Variants in CASZ1 observed in about 807,000 individuals in gnomAD.
CASZ1 encodes castor zinc finger 1.
Under a neutral mutation model 135.2 loss-of-function variants are expected in CASZ1, and 28 were observed. The ratio of observed to expected loss-of-function variants is 0.21; its 90% CI spans 0.15 to 0.28. The LOEUF is 0.28. CASZ1 is among the 10% of genes least tolerant of loss of function. The pLI, the probability that CASZ1 is intolerant of heterozygous loss-of-function variation, is 1.00. For missense variants in CASZ1, 2,161 were observed against 2,453.3 expected (o/e 0.88, Z 2.52); for synonymous variants, 1,068 against 1,073.4 (o/e 0.99, Z 0.10).
chr1:10,768,662 T>C (rs1301055816), intron 1 of CASZ1, among the ~76,000 whole-genome samples: 1 of 152,054 alleles, frequency 6.6e-6, no homozygotes, highest in African/African-American at 2.4e-5. Context: ...CAGAGCCCAC[T>C]GTGGGGGAGG....
Position 10,694,527 on chromosome 1 carries a change from G to T in CASZ1, c.-23-615C>A, listed in dbSNP as rs1405144026. On this transcript the variant is annotated intron_variant, in intron 3 of 20. Transcript: ENST00000377022. The surrounding 1 kb of genome is among the most constrained non-coding windows in gnomAD (Gnocchi z 6.6). ...CGGTGATTGGCAGGGCGGCCGCGGC[G>T]CCGCCTCCTCGGCCCGGCCCGCGCC... 1 of 144,048 alleles carries T rather than the reference G, an allele frequency of 6.9e-6. No homozygotes were observed. The highest frequency in any genetic ancestry group is 1.5e-5 in the Non-Finnish European group (1 of 65,952). The allele number at this position is 144,048 out of a possible 1,614,324, so 8.9% of individuals were successfully genotyped here.
In CASZ1 at chr1:10,747,038, A is replaced by G. The variant is rs1222235977; in HGVS notation, c.-77+13663T>C. Among the ~76,000 whole-genome samples, 1 of 152,244 alleles carries G rather than the reference A, an allele frequency of 6.6e-6. No individual in the cohort carries two copies. The highest frequency in any genetic ancestry group is 2.4e-5 in the African/African-American group (1 of 41,462). ...CCCCTCATAGCCCCCGCTAACCAGGAGTGGACGCCCAGAAGTCCATGGAGT... is the reference window on the plus strand; with the variant it reads ...CCCCTCATAGCCCCCGCTAACCAGGGGTGGACGCCCAGAAGTCCATGGAGT... On this transcript the variant is annotated intron_variant, in intron 2 of 20. Transcript: ENST00000377022. This position sits in a 1 kb window ranked among gnomAD's most constrained non-coding sequence, Gnocchi z 4.3.
chr1:10,738,313 G>T (rs1639840425), intron 2 of CASZ1, among the ~76,000 whole-genome samples: 3 of 152,222 alleles, frequency 2.0e-5, no homozygotes. Flanking sequence ...TCAGTCCCGG[G>T]ACGCTGACGC....
rs1640245395 is a variant in CASZ1, at chr1:10,755,905, C to T, written c.-77+4796G>A. On this transcript the variant is annotated intron_variant, in intron 2 of 20. Transcript: ENST00000377022. The surrounding 1 kb of genome is among the most constrained non-coding windows in gnomAD (Gnocchi z 4.3). ...GGCCATGGAGCTGCCAGCCTCACAT[C>T]AGATCAAAGCCCTGGAGGATGGCAT... is the stretch of plus-strand genomic sequence containing the variant. 6.7e-6 allele frequency among the ~76,000 whole-genome samples: 1 copy of T among 150,226 alleles called. No individual in the cohort carries two copies. The highest frequency in any genetic ancestry group is 2.4e-5 in the African/African-American group (1 of 41,016).
Position 10,639,658 on chromosome 1 carries a change from A to G in CASZ1, c.4564T>C (p.Phe1522Leu). The stretch of plus-strand genomic sequence containing the variant: ...ACCTTGGTGCTGTCGGTGCAGCGGA[A>G]GCGGCAGCGCAGGCAGTGGAAGTGC... ...STHFHCLRCR[F>L]RCTDSTKVTA... The change falls in exon 21 of 21, where the codon TTC becomes CTC. Residue 1522 changes from phenylalanine (F) to leucine (L), a missense_variant. By Grantham distance (22) the Phe-to-Leu change is conservative. Coordinates refer to ENST00000377022, the MANE Select transcript of CASZ1 (RefSeq NM_001079843.3). The surrounding 1 kb of genome is among the most constrained non-coding windows in gnomAD (Gnocchi z 4.0). 1.1e-5 allele frequency: 18 copies of G among 1,603,926 alleles called. No individual in the cohort carries two copies. The highest frequency in any genetic ancestry group is 1.4e-5 in the Non-Finnish European group (17 of 1,177,120).
intron 2 of CASZ1, among the ~76,000 whole-genome samples, chr1:10,737,584 C>G (rs1350254051): frequency 6.6e-6 from 1 of 152,280 alleles, no homozygotes; most frequent in African/African-American, 2.4e-5. Flanking sequence ...TCTGGGGGAC[C>G]TCCCAGACCT....
intron 1 of CASZ1, among the ~76,000 whole-genome samples, chr1:10,766,473 C>T (rs943893228): frequency 2.0e-5 from 3 of 152,136 alleles, no homozygotes; most frequent in Non-Finnish European, 2.9e-5. Flanking sequence ...GAGGAAAGTA[C>T]CCTCGACCAA....
intron 10 of CASZ1, 66 bp downstream of exon 10, chr1:10,654,353 G>T: frequency 6.3e-7 from 1 of 1,586,496 alleles, no homozygotes; most frequent in South Asian, 1.2e-5. Context: ...GCCGTCCCAC[G>T]AGCCTGGGTC....
rs917693092 is a variant in CASZ1 at position 10,727,820 on chromosome 1, G to C, written c.-76-22276C>G. The stretch of plus-strand genomic sequence containing the variant: ...CCTTGCCCAGACTGTGCCGACCTGG[G>C]AACCTGTGGAGCCCCTGGCTAGTGG... On this transcript the variant is annotated intron_variant, in intron 2 of 20. Transcript: ENST00000377022. The surrounding 1 kb of genome is among the most constrained non-coding windows in gnomAD (Gnocchi z 5.3). 2.0e-5 allele frequency among the ~76,000 whole-genome samples: 3 copies of C among 152,216 alleles called. No homozygotes were observed. The highest frequency in any genetic ancestry group is 7.2e-5 in the African/African-American group (3 of 41,466).
At chr1:10,650,079 G>C (rs1047332981) in intron 13 of CASZ1, 8 of 152,620 alleles carry the variant, frequency 5.2e-5, no homozygotes, top group Admixed American at 5.2e-4. Context: ...CGAGTGCCCG[G>C]CTGGGGCCCT....
chr1:10,676,216 A>C lies in CASZ1; in HGVS notation c.17-10645T>G, dbSNP rs1201747070. Among the ~76,000 whole-genome samples, 1 of 152,088 alleles carries C rather than the reference A, an allele frequency of 6.6e-6. No individual in the cohort carries two copies. Among genetic ancestry groups the C allele is most frequent in the African/African-American group, 2.4e-5 (1 of 41,418 alleles). The stretch of plus-strand genomic sequence containing the variant: ...CAAACCCATGCCAACCAAGTGACAG[A>C]CACCAAGGCCCTGCTGGACTGGCCC... On this transcript the variant is annotated intron_variant, in intron 4 of 20. Coordinates refer to ENST00000377022, the MANE Select transcript of CASZ1 (RefSeq NM_001079843.3). This position sits in a 1 kb window ranked among gnomAD's most constrained non-coding sequence, Gnocchi z 4.5.
Position 10,699,260 on chromosome 1 carries a change from G to A in CASZ1, c.-23-5348C>T, listed in dbSNP as rs1639009996. 6.6e-6 allele frequency among the ~76,000 whole-genome samples: 1 copy of A among 152,202 alleles called. No homozygotes were observed. Among genetic ancestry groups the A allele is most frequent in the Non-Finnish European group, 1.5e-5 (1 of 68,038 alleles). On this transcript the variant is annotated intron_variant, in intron 3 of 20. Coordinates refer to ENST00000377022, the MANE Select transcript of CASZ1 (RefSeq NM_001079843.3). This position sits in a 1 kb window ranked among gnomAD's most constrained non-coding sequence, Gnocchi z 4.6. ...CCTGGGAAGTCAACGGCCCTGAACT[G>A]GCCAGGAGGAACGCCCTTGTGCCCT...
chr1:10,782,211 T>C (rs570427723), intron 1 of CASZ1, among the ~76,000 whole-genome samples: 3 of 152,352 alleles, frequency 2.0e-5, no homozygotes, highest in Non-Finnish European at 4.4e-5. Flanking sequence ...TTTCCCTCCC[T>C]GCAGCTTCTG....
chr1:10,766,204 GCA>G (rs143572570), intron 1 of CASZ1, among the ~76,000 whole-genome samples: 154 of 147,924 alleles, frequency 1.0e-3, no homozygotes, highest in East Asian at 2.6e-3. Flanking sequence ...TTCAGCACGT[GCA>G]CACACACACA....
Position 10,649,314 on chromosome 1 carries a change from A to C in CASZ1, c.3004T>G (p.Leu1002Val). The C allele has an allele frequency of 6.3e-7, 1 of 1,596,660 alleles. No individual in the cohort carries two copies. The highest frequency in any genetic ancestry group is 8.5e-7 in the Non-Finnish European group (1 of 1,171,646). The change falls in exon 14 of 21, where the codon TTG (leucine) becomes GTG (valine). Residue 1002 changes from leucine (L) to valine (V), a missense_variant. Physicochemically the swap from Leu to Val is conservative, Grantham distance 32. This residue lies in a region of CASZ1 where 406 missense variants were observed against 387.6 expected (regional missense o/e 1.05). Transcript: ENST00000377022. The part of the protein sequence containing the change: ...KAVKALVQEK[L>V]AEPWKVYLRR... ...AGGTACACCTTCCAGGGCTCTGCCA[A>C]CTTCTCCTGAACCAGCGCCTTCACG...
In CASZ1 at chr1:10,646,021, T is replaced by C. The variant is rs1642353255; in HGVS notation, c.3696+107A>G. On this transcript the variant is annotated intron_variant, in intron 17 of 20. Transcript: ENST00000377022. The surrounding 1 kb of genome is among the most constrained non-coding windows in gnomAD (Gnocchi z 6.4). ...GGGAGGCCCATTTAAATAAGCAAGG[T>C]GTGAGAAATGGAGCCTCTGCCAGGA... The C allele has an allele frequency of 9.4e-7, 1 of 1,059,992 alleles. No individual in the cohort carries two copies. The highest frequency in any genetic ancestry group is 1.6e-5 in the African/African-American group (1 of 63,664). 65.7% of individuals were successfully genotyped at this position (1,059,992 alleles called of 1,614,324 possible).
At chr1:10,795,982 C>A (rs1001935147) in intron 1 of CASZ1, among the ~76,000 whole-genome samples, 23 of 144,844 alleles carry the variant, frequency 1.6e-4, no homozygotes, top group Non-Finnish European at 2.9e-4. Flanking sequence ...CAAAGTCTTG[C>A]AAAGTCACCC....
rs1639017983 is a variant in CASZ1, at chr1:10,699,728, C to A, written c.-24+5764G>T. Among the ~76,000 whole-genome samples the A allele has an allele frequency of 6.6e-6, 1 of 152,160 alleles. No homozygotes were observed. The highest frequency in any genetic ancestry group is 6.6e-5 in the Admixed American group (1 of 15,264). Reference sequence around the variant, plus strand: ...GGAGGGAGAGAGAAGGAGGAAAAAACCCCAAACCAAAATCCAACAGACTGA... The same window carrying A: ...GGAGGGAGAGAGAAGGAGGAAAAAAACCCAAACCAAAATCCAACAGACTGA... On this transcript the variant is annotated intron_variant, in intron 3 of 20. Transcript: ENST00000377022. This position sits in a 1 kb window ranked among gnomAD's most constrained non-coding sequence, Gnocchi z 4.6.
chr1:10,770,991 C>T (rs546327404), intron 1 of CASZ1, among the ~76,000 whole-genome samples: 10 of 152,270 alleles, frequency 6.6e-5, no homozygotes, highest in Admixed American at 1.3e-4. Context: ...CGGTCATTGC[C>T]CCCAAGCATC....
Sources: gnomAD v4.1 joint callset for allele counts (sites outside exome capture counted in the v4.1 genomes callset) on GRCh38, gnomAD v4.1.1 for gene constraint, gnomAD v4.1.1 regional missense constraint, Gnocchi (gnomAD v3.1) non-coding constraint, MANE v1.5 for transcripts, NCBI Gene and HGNC (gene_info 2026-07-23, HGNC 2026-07-21) for gene names.